Variants in ALK observed in about 807,000 individuals in gnomAD.
The protein encoded by ALK is ALK tyrosine kinase receptor.
Under a neutral mutation model 163.1 loss-of-function variants are expected in ALK, and 74 were observed. The observed-to-expected ratio is 0.45, with a 90% CI of 0.38 to 0.55. The LOEUF is 0.55. Among genes scored for constraint, ALK ranks in the 20% least tolerant of loss-of-function variants. The probability of loss-of-function intolerance (pLI) is 0.00; values close to 1 mark genes in which losing one functional copy is unlikely to be tolerated. For synonymous variants in ALK, 960 were observed against 843.2 expected (o/e 1.14, Z -2.40); for missense variants, 2,063 against 2,105.3 (o/e 0.98, Z 0.39).
At chr2:29,275,745 G>A (rs1046275060) in intron 9 of ALK, among the ~76,000 whole-genome samples, 1 of 152,308 alleles carries the variant, frequency 6.6e-6, no homozygotes, top group South Asian at 2.1e-4. Context: ...ATCCAGCCTG[G>A]AGTTTGGGGC....
intron 4 of ALK, among the ~76,000 whole-genome samples, chr2:29,385,146 G>A (rs1669002080): frequency 6.6e-6 from 1 of 150,472 alleles, no homozygotes; most frequent in Non-Finnish European, 1.5e-5. Context: ...CAGTAGGTTG[G>A]GCTTTGGTAT....
At chr2:29,393,044 GAATGCCCAAGGTTACTA>G in intron 4 of ALK, among the ~76,000 whole-genome samples, 1 of 152,258 alleles carries the variant, frequency 6.6e-6, no homozygotes, top group Admixed American at 6.5e-5. Flanking sequence ...CAAGGTCACT[GAATGCCCAAGGTTACTA>G]AGTGTTCAAG....
intron 3 of ALK, among the ~76,000 whole-genome samples, chr2:29,672,838 G>A (rs1312440034): frequency 1.4e-5 from 2 of 139,004 alleles, no homozygotes; most frequent in African/African-American, 5.6e-5. Context: ...TCCAGCACCT[G>A]TTGTTTCCTG....
chr2:29,711,961 CG>C (rs1257798054), intron 2 of ALK, among the ~76,000 whole-genome samples: 8 of 152,116 alleles, frequency 5.3e-5, no homozygotes, highest in African/African-American at 1.9e-4. Flanking sequence ...TTTATTCTGA[CG>C]TTTTTTCTTT....
chr2:29,699,734 A>G (rs948933473), intron 2 of ALK, among the ~76,000 whole-genome samples: 7 of 152,238 alleles, frequency 4.6e-5, no homozygotes, highest in Non-Finnish European at 7.3e-5. Context: ...CTGACCATTG[A>G]AAAAGAGCAT....
chr2:29,859,556 G>A (rs1473203283), intron 1 of ALK, among the ~76,000 whole-genome samples: 2 of 152,164 alleles, frequency 1.3e-5, no homozygotes, highest in African/African-American at 4.8e-5. Context: ...GTGGGCCACG[G>A]CAAAACCGCA....
At position 29,920,884 on chromosome 2, in the gene ALK, A is replaced by T; in HGVS notation, c.-225T>A. ...TGGAAGCTCAGGGGCGAGTCCAGAG[A>T]CACTCAAGCACACTGGGCTCACTGG... On this transcript the variant is annotated 5_prime_UTR_variant, in exon 1 of 29. Transcript: ENST00000389048. 3 of 575,966 alleles carry T rather than the reference A, an allele frequency of 5.2e-6. No individual in the cohort carries two copies. In the South Asian group the frequency reaches 6.4e-5, roughly 12 times the overall value. The allele number at this position is 575,966 out of a possible 1,614,324, so 35.7% of individuals were successfully genotyped here. A position where few individuals can be genotyped will look rare whatever the true frequency, so the allele number is the denominator to read the frequency against.
intron 1 of ALK, among the ~76,000 whole-genome samples, chr2:29,845,155 T>A (rs965923599): frequency 5.3e-5 from 8 of 152,172 alleles, no homozygotes; most frequent in Non-Finnish European, 7.4e-5. Context: ...ATAGGCACAG[T>A]TGACACTCAA....
intron 1 of ALK, among the ~76,000 whole-genome samples, chr2:29,743,593 T>G (rs998466815): frequency 2.6e-5 from 4 of 152,224 alleles, no homozygotes; most frequent in Non-Finnish European, 5.9e-5. Context: ...AGCCTGTACT[T>G]TTGACAAAGT....
At chr2:29,342,062 C>T (rs1394791518) in intron 5 of ALK, among the ~76,000 whole-genome samples, 1 of 152,116 alleles carries the variant, frequency 6.6e-6, no homozygotes, top group Non-Finnish European at 1.5e-5. Flanking sequence ...AATGTGTTAT[C>T]TTTCACTTGA....
intron 1 of ALK, among the ~76,000 whole-genome samples, chr2:29,812,867 A>AAC (rs1664793235): frequency 6.6e-6 from 1 of 152,198 alleles, no homozygotes; most frequent in Non-Finnish European, 1.5e-5. Flanking sequence ...ACATCCCTCC[A>AAC]ACACACACAC....
At chr2:29,801,775 T>C (rs1664473331) in intron 1 of ALK, among the ~76,000 whole-genome samples, 3 of 152,308 alleles carry the variant, frequency 2.0e-5, no homozygotes, top group Admixed American at 2.0e-4. Context: ...ATTTCAATAT[T>C]GAGGAAATGG....
At chr2:29,662,142 G>A (rs1006009481) in intron 3 of ALK, among the ~76,000 whole-genome samples, 1 of 152,028 alleles carries the variant, frequency 6.6e-6, no homozygotes, top group Admixed American at 6.6e-5. Context: ...GAACTCCTGA[G>A]CTCAGGCAAT....
At chr2:29,278,528 G>A (rs934393138) in intron 9 of ALK, among the ~76,000 whole-genome samples, 1 of 152,170 alleles carries the variant, frequency 6.6e-6, no homozygotes, top group African/African-American at 2.4e-5. Context: ...CAAGGTTATA[G>A]CCACGATTTC....
At chr2:29,794,138 T>C (rs2339473) in intron 1 of ALK, among the ~76,000 whole-genome samples, 149,347 of 152,304 alleles carry the variant, frequency 0.98, 73,284 homozygotes, top group East Asian at 1. Context: ...TACAGTTTCT[T>C]CATCAGCACT....
intron 1 of ALK, among the ~76,000 whole-genome samples, chr2:29,754,186 G>A (rs1680451482): frequency 1.3e-5 from 2 of 152,292 alleles, no homozygotes; most frequent in African/African-American, 2.4e-5. Context: ...GCAGGATGCT[G>A]CCAGCCCAAA....
chr2:29,664,120 T>C (rs1189607255), intron 3 of ALK, among the ~76,000 whole-genome samples: 1 of 152,084 alleles, frequency 6.6e-6, no homozygotes. Context: ...CTGCTCCAAT[T>C]GCCAATGTCT....
chr2:29,400,967 C>T (rs1424365939), intron 4 of ALK, among the ~76,000 whole-genome samples: 1 of 150,464 alleles, frequency 6.6e-6, no homozygotes, highest in Admixed American at 6.6e-5. Flanking sequence ...CAGAGTGAGA[C>T]TCTGTCTCAA....
intron 1 of ALK, among the ~76,000 whole-genome samples, chr2:29,764,225 G>A (rs559198732): frequency 1.3e-5 from 2 of 152,276 alleles, no homozygotes; most frequent in South Asian, 4.1e-4. Flanking sequence ...TGACTGCAGG[G>A]CTGTCTGAGT....
Sources: allele counts gnomAD v4.1 joint callset (sites outside exome capture counted in the v4.1 genomes callset), GRCh38; gene constraint gnomAD v4.1.1; transcripts MANE v1.5; gene names NCBI Gene and HGNC (gene_info 2026-07-23, HGNC 2026-07-21).